CATSPER1: variants seen among roughly 807,000 people sequenced by gnomAD.
CATSPER1 encodes the protein cation channel sperm associated 1.
In CATSPER1, 57 loss-of-function variants were observed where a neutral mutation model predicts 72.7. The observed-to-expected ratio is 0.78, with a 90% CI of 0.63 to 0.98. CATSPER1 has a LOEUF of 0.98. Ranked by LOEUF, CATSPER1 falls within the 50% of genes least tolerant of loss-of-function variation. The pLI is 0.00. For synonymous variants in CATSPER1, 363 were observed against 403.0 expected, an observed-to-expected ratio of 0.90 and a Z score of 1.19; for missense variants, 910 against 1,033.9, an observed-to-expected ratio of 0.88 and a Z score of 1.64.
chr11:66,016,937 C>G lies in CATSPER1; in HGVS notation c.2317-21G>C, dbSNP rs763676594. On this transcript the variant is annotated intron_variant, in intron 11 of 11. Transcript: ENST00000312106. The stretch of plus-strand genomic sequence containing the variant: ...CCAGCCTGCAGGGGTGAGTGGGGCA[C>G]TGGTGGGTGAATGAGCCAGACTTTG... 2.0e-5 allele frequency: 33 copies of G among 1,613,978 alleles called. No individual in the cohort carries two copies. In the Admixed American group the frequency reaches 5.0e-4, roughly 24 times the overall value.
rs761830090 is a variant in CATSPER1, at chr11:66,026,227, G to A, written c.153C>T (p.Pro51=). The A allele has an allele frequency of 6.2e-6, 10 of 1,612,002 alleles. No homozygotes were observed. The Admixed American group carries it at 1.0e-4, about 16-fold the overall frequency. The change falls in exon 1 of 12, where the codon CCC becomes CCT. Residue 51 remains proline, a synonymous_variant. Coordinates refer to ENST00000312106, the MANE Select transcript of CATSPER1 (RefSeq NM_053054.4). ...HHYELHHHGV[P]HQRGESHHPP... ...GGTGGTGAGATTCACCACGTTGGTG[G>A]GGCACGCCGTGATGGTGCAACTCGT...
chr11:66,021,939 T>C lies in CATSPER1; in HGVS notation c.1430-60A>G, dbSNP rs1009565326. ...CCAGCACCCAGTGCCCTCTCTCTCCTCAGCATTAGCCTCACACAAGCCCAG... is the reference window on the plus strand; with the variant it reads ...CCAGCACCCAGTGCCCTCTCTCTCCCCAGCATTAGCCTCACACAAGCCCAG... On this transcript the variant is annotated intron_variant, in intron 2 of 11. Coordinates refer to ENST00000312106, the MANE Select transcript of CATSPER1 (RefSeq NM_053054.4). 1.3e-4 allele frequency: 164 copies of C among 1,303,258 alleles called. 1 individual carries two copies. In the Middle Eastern group the frequency reaches 1.4e-3, roughly 11 times the overall value. The allele number at this position is 1,303,258 out of a possible 1,614,324, so 80.7% of individuals were successfully genotyped here.
rs770123910 is a variant in CATSPER1 at position 66,020,590 on chromosome 11, G to T, written c.1965C>A (p.Ile655=). ...TGAGGAAGATGAAGTACTGGATGAT[G>T]ATGTAAATTACGAGGATGGGAATGA... The part of the protein sequence containing the change: ...WYIIPILVIY[I]IIQYFIFLNL... Residue 655 remains isoleucine, a synonymous_variant, in exon 7 of 12, where the codon ATC becomes ATA. Coordinates refer to ENST00000312106, the MANE Select transcript of CATSPER1 (RefSeq NM_053054.4). This position sits in a 1 kb window ranked among gnomAD's most constrained non-coding sequence, Gnocchi z 4.5. 55 of 1,612,318 alleles carry T rather than the reference G, an allele frequency of 3.4e-5. No individual in the cohort carries two copies. The highest frequency in any genetic ancestry group is 8.4e-5 in the Admixed American group (5 of 59,848).
At position 66,020,296 on chromosome 11, in the gene CATSPER1, C is replaced by T. The variant is rs3814748; in HGVS notation, c.2064+21G>A. On this transcript the variant is annotated intron_variant, in intron 8 of 11. Coordinates refer to ENST00000312106, the MANE Select transcript of CATSPER1 (RefSeq NM_053054.4). This position sits in a 1 kb window ranked among gnomAD's most constrained non-coding sequence, Gnocchi z 4.5. ...CCTCCAGCTTCCTGATCTGGTCCAC[C>T]TGTCCCACCCCACTCGGTACCTCCT... The T allele has an allele frequency of 4.9e-3, 7,876 of 1,614,152 alleles. 261 individuals carry two copies. In the East Asian group the frequency reaches 0.093, roughly 19 times the overall value.
At position 66,025,306 on chromosome 11, in the gene CATSPER1, G is replaced by A; in HGVS notation, c.1074C>T (p.Gly358=). 4 of 1,614,190 alleles carry A rather than the reference G, an allele frequency of 2.5e-6. No individual in the cohort carries two copies. Among genetic ancestry groups the A allele is most frequent in the Non-Finnish European group, 3.4e-6 (4 of 1,180,032 alleles). Reference sequence around the variant, plus strand: ...AGGACCGAGTCATGCTGTGAGCCGAGCCCCGTGGGTGTGCTACGTGATAGG... The same window carrying A: ...AGGACCGAGTCATGCTGTGAGCCGAACCCCGTGGGTGTGCTACGTGATAGG... ...VFPYHVAHPR[G]SAHSMTRSSS... Residue 358 remains glycine (G), a synonymous_variant, in exon 1 of 12, where the codon GGC becomes GGT. Transcript: ENST00000312106.
In CATSPER1 at chr11:66,017,185, G is replaced by A. The variant is rs1856255965; in HGVS notation, c.2202-11C>T. Reference sequence around the variant, plus strand: ...AGGAGCTCCTGCTGCCTGCGGGTGGGCGGGGGGGTCGCAGAGACAGGGGCT... The same window carrying A: ...AGGAGCTCCTGCTGCCTGCGGGTGGACGGGGGGGTCGCAGAGACAGGGGCT... On this transcript the variant is annotated splice_polypyrimidine_tract_variant and intron_variant, in intron 10 of 11. Coordinates refer to ENST00000312106, the MANE Select transcript of CATSPER1 (RefSeq NM_053054.4). The A allele has an allele frequency of 2.0e-6, 3 of 1,516,384 alleles. No homozygotes were observed. Among genetic ancestry groups the A allele is most frequent in the South Asian group, 1.2e-5 (1 of 85,330 alleles). The allele number at this position is 1,516,384 out of a possible 1,614,324, so 93.9% of individuals were successfully genotyped here.
In CATSPER1 at chr11:66,021,489, C is replaced by CTGGGG; in HGVS notation, c.1691+6_1691+7insCCCCA. 1 of 1,612,670 alleles carries CTGGGG rather than the reference C, an allele frequency of 6.2e-7. No homozygotes were observed. Among genetic ancestry groups the CTGGGG allele is most frequent in the East Asian group, 2.2e-5 (1 of 44,876 alleles). On this transcript the variant is annotated splice_region_variant and intron_variant, in intron 4 of 11. Transcript: ENST00000312106. ...CCCCACCCCAGGTGGGAGCCGTGGC[C>CTGGGG]ACTGACCTGAGCCTCCGCAGGACCC... is the stretch of plus-strand genomic sequence containing the variant.
At position 66,020,811 on chromosome 11, in the gene CATSPER1, C is replaced by G. The variant is rs756736807; in HGVS notation, c.1927G>C (p.Gly643Arg). The change falls in exon 6 of 12, where the codon GGC becomes CGC. Residue 643 changes from glycine to arginine, a missense_variant and splice_region_variant. By Grantham distance (125) the Gly-to-Arg change is moderately radical. Coordinates refer to ENST00000312106, the MANE Select transcript of CATSPER1 (RefSeq NM_053054.4). The surrounding 1 kb of genome is among the most constrained non-coding windows in gnomAD (Gnocchi z 4.5). ...SLIYMDSRAQGAWYIIPILVI... is the reference protein window; with the variant it reads ...SLIYMDSRAQRAWYIIPILVI... ...CCCTGCAGCCTGGGGCCTGCCCTAC[C>G]CTGGGCACGGCTGTCCATGTAGATG... 2 of 1,613,750 alleles carry G rather than the reference C, an allele frequency of 1.2e-6. No homozygotes were observed. Among genetic ancestry groups the G allele is most frequent in the South Asian group, 2.2e-5 (2 of 91,080 alleles).
intron 2 of CATSPER1, 101 bp from the exon 3 acceptor site, chr11:66,021,980 C>A (rs1590683922): frequency 3.3e-6 from 3 of 911,336 alleles, no homozygotes; most frequent in Non-Finnish European, 1.8e-6. Context: ...CAGGCTCTCC[C>A]CGGCTCTGCG....
rs1344284843 is a variant in CATSPER1, at chr11:66,020,689, C to T, written c.1928-62G>A. On this transcript the variant is annotated intron_variant, in intron 6 of 11. Coordinates refer to ENST00000312106, the MANE Select transcript of CATSPER1 (RefSeq NM_053054.4). The surrounding 1 kb of genome is among the most constrained non-coding windows in gnomAD (Gnocchi z 4.5). ...GCTCGCCACCCCCAACCACGACCTGCTCCCTTCCCATACCCGGACATGCAG... is the reference window on the plus strand; with the variant it reads ...GCTCGCCACCCCCAACCACGACCTGTTCCCTTCCCATACCCGGACATGCAG... The T allele has an allele frequency of 1.3e-6, 2 of 1,595,202 alleles. No individual in the cohort carries two copies. Among genetic ancestry groups the T allele is most frequent in the African/African-American group, 1.3e-5 (1 of 74,598 alleles).
chr11:66,016,777 C>T lies in CATSPER1; in HGVS notation c.*113G>A. On this transcript the variant is annotated 3_prime_UTR_variant, in exon 12 of 12. Coordinates refer to ENST00000312106, the MANE Select transcript of CATSPER1 (RefSeq NM_053054.4). ...TGGGGTTTAAAAACTCTGTTGGGGC[C>T]CCTGCTCTGCAGGGCCCGGACAATC... 1.6e-6 allele frequency: 2 copies of T among 1,289,610 alleles called. No homozygotes were observed. The highest frequency in any genetic ancestry group is 2.3e-5 in the East Asian group (1 of 42,996). The allele number at this position is 1,289,610 out of a possible 1,614,324, so 79.9% of individuals were successfully genotyped here. A position where few individuals can be genotyped will look rare whatever the true frequency, so the allele number is the denominator to read the frequency against.
At chr11:66,016,964 C>A in intron 11 of CATSPER1, 48 bp from the exon 12 acceptor site, 1 of 1,613,966 alleles carries the variant, frequency 6.2e-7, no homozygotes, top group Middle Eastern at 1.7e-4. Flanking sequence ...CAGACTTTGC[C>A]TTCCCCGATC....
At position 66,020,002 on chromosome 11, in the gene CATSPER1, A is replaced by T. The variant is rs1236630831; in HGVS notation, c.2125+138T>A. ...GATTGTTCTAGGGTCCTCTGGACTA[A>T]AGTCCTCCTGAGTCTCAAATTCTAA... On this transcript the variant is annotated intron_variant, in intron 9 of 11. Transcript: ENST00000312106. The surrounding 1 kb of genome is among the most constrained non-coding windows in gnomAD (Gnocchi z 4.5). 21 of 830,568 alleles carry T rather than the reference A, an allele frequency of 2.5e-5. No individual in the cohort carries two copies. The highest frequency in any genetic ancestry group is 4.1e-5 in the Non-Finnish European group (21 of 516,428). The allele number at this position is 830,568 out of a possible 1,614,324, so 51.4% of individuals were successfully genotyped here.
intron 2 of CATSPER1, 38 bp from the exon 3 acceptor site, chr11:66,021,917 G>T: frequency 6.8e-7 from 1 of 1,461,296 alleles, no homozygotes; most frequent in Non-Finnish European, 9.6e-7. Context: ...GCTGTCCCCA[G>T]CACCCAGTGC....
At position 66,021,982 on chromosome 11, in the gene CATSPER1, G is replaced by T. The variant is rs181772393; in HGVS notation, c.1430-103C>A. 1.1e-5 allele frequency: 10 copies of T among 891,428 alleles called. No homozygotes were observed. In the African/African-American group the frequency reaches 1.6e-4, roughly 15 times the overall value. 55.2% of individuals were successfully genotyped at this position (891,428 alleles called of 1,614,324 possible). On this transcript the variant is annotated intron_variant, in intron 2 of 11. Coordinates refer to ENST00000312106, the MANE Select transcript of CATSPER1 (RefSeq NM_053054.4). ...AAGCCCAGATTCCCAGGCTCTCCCCGGCTCTGCGTAAGCAGCTGCGCGACT... is the reference window on the plus strand; with the variant it reads ...AAGCCCAGATTCCCAGGCTCTCCCCTGCTCTGCGTAAGCAGCTGCGCGACT...
In CATSPER1 at chr11:66,017,194, T is replaced by TGGGGGGGGGGGGGGGGGGCCC; in HGVS notation, c.2202-21_2202-20insGGGCCCCCCCCCCCCCCCCCC. On this transcript the variant is annotated intron_variant, in intron 10 of 11. Coordinates refer to ENST00000312106, the MANE Select transcript of CATSPER1 (RefSeq NM_053054.4). ...TGCTGCCTGCGGGTGGGCGGGGGGGTCGCAGAGACAGGGGCTGGGCTGACC... is the reference window on the plus strand; with the variant it reads ...TGCTGCCTGCGGGTGGGCGGGGGGGTGGGGGGGGGGGGGGGGGGCCCCGCAGAGACAGGGGCTGGGCTGACC... The TGGGGGGGGGGGGGGGGGGCCC allele has an allele frequency of 1.8e-6, 1 of 550,272 alleles. No homozygotes were observed. The highest frequency in any genetic ancestry group is 5.3e-5 in the East Asian group (1 of 18,948). 34.1% of individuals were successfully genotyped at this position (550,272 alleles called of 1,614,324 possible).
Position 66,023,050 on chromosome 11 carries a change from G to A in CATSPER1, c.1228C>T (p.Gln410Ter). 6.2e-7 allele frequency: 1 copy of A among 1,614,116 alleles called. No individual in the cohort carries two copies. The highest frequency in any genetic ancestry group is 8.5e-7 in the Non-Finnish European group (1 of 1,180,000). Reference sequence around the variant, plus strand: ...GAGTGTCCCTTCTTGCGGGTCCGCTGGAGCCGGCCGGCTGAAAGGAACAGG... The same window carrying A: ...GAGTGTCCCTTCTTGCGGGTCCGCTAGAGCCGGCCGGCTGAAAGGAACAGG... Reference protein sequence around the residue: ...QFQKRKTGRLQRTRKKGHSTN... With the variant: ...QFQKRKTGRL Residue 410 changes from glutamine (Q) to a stop codon, truncating the protein, a stop_gained, in exon 2 of 12, where the codon CAG becomes TAG. Transcript: ENST00000312106. LOFTEE classifies it high-confidence loss of function.
Position 66,016,925 on chromosome 11 carries a change from G to A in CATSPER1, c.2317-9C>T, listed in dbSNP as rs546845397. The A allele has an allele frequency of 1.2e-6, 2 of 1,613,988 alleles. No individual in the cohort carries two copies. Among genetic ancestry groups the A allele is most frequent in the Admixed American group, 1.7e-5 (1 of 59,992 alleles). On this transcript the variant is annotated splice_polypyrimidine_tract_variant and intron_variant, in intron 11 of 11. Transcript: ENST00000312106. ...AAGTCCTCTTCTCCAGCCTGCAGGG[G>A]TGAGTGGGGCACTGGTGGGTGAATG...
At chr11:66,022,001 C>A in intron 2 of CATSPER1, 122 bp from the exon 3 acceptor site, 1 of 760,844 alleles carries the variant, frequency 1.3e-6, no homozygotes, top group Non-Finnish European at 2.4e-6. Context: ...TAAGCAGCTG[C>A]GCGACTTCAC....
Sources: gnomAD v4.1 joint callset for allele counts on GRCh38, gnomAD v4.1.1 for gene constraint, Gnocchi (gnomAD v3.1) non-coding constraint, MANE v1.5 for transcripts, NCBI Gene and HGNC (gene_info 2026-07-23, HGNC 2026-07-21) for gene names.